KIAA1958: variants seen among roughly 807,000 people sequenced by gnomAD.
KIAA1958 encodes KIAA1958, also known as uncharacterized protein KIAA1958.
KIAA1958 carries 14 observed loss-of-function variants against 47.2 expected under a neutral mutation model. The ratio of observed to expected loss-of-function variants is 0.30; its 90% CI spans 0.20 to 0.46. KIAA1958 has a LOEUF of 0.46. Ranked by LOEUF, KIAA1958 falls within the 20% of genes least tolerant of loss-of-function variation. KIAA1958 has a pLI of 1.00. For synonymous variants in KIAA1958, 354 were observed against 353.3 expected (o/e 1.00, Z -0.02); for missense variants, 803 against 909.2 (o/e 0.88, Z 1.50).
chr9:112,509,254 G>A (rs7861594), intron 1 of KIAA1958, among the ~76,000 whole-genome samples: 78,169 of 145,350 alleles, frequency 0.54, 20,681 homozygotes, highest in South Asian at 0.61. Context: ...CTAGGCTGTA[G>A]TGTGCAATGG....
intron 1 of KIAA1958, among the ~76,000 whole-genome samples, chr9:112,550,312 T>C (rs1311723463): frequency 1.3e-5 from 2 of 152,220 alleles, no homozygotes; most frequent in Non-Finnish European, 1.5e-5. Flanking sequence ...GGGTTACCCA[T>C]CTAGTGAGGA....
intron 1 of KIAA1958, among the ~76,000 whole-genome samples, chr9:112,561,137 C>G (rs1835321255): frequency 6.6e-6 from 1 of 150,872 alleles, no homozygotes; most frequent in Admixed American, 6.6e-5. Flanking sequence ...TCACTGCAAG[C>G]TCCGCCTCCC....
intron 1 of KIAA1958, among the ~76,000 whole-genome samples, chr9:112,557,300 C>T (rs977155432): frequency 1.8e-4 from 28 of 152,084 alleles, no homozygotes; most frequent in Non-Finnish European, 1.0e-4. Context: ...AGGCTTTGTT[C>T]AAGGTGCTAA....
chr9:112,667,670 C>CT lies in KIAA1958; in HGVS notation c.*7601_*7602insT, dbSNP rs1837368299. 1.3e-5 allele frequency: 2 copies of CT among 152,044 alleles called. No individual in the cohort carries two copies. Among genetic ancestry groups the CT allele is most frequent in the African/African-American group, 4.8e-5 (2 of 41,400 alleles). 9.4% of individuals were successfully genotyped at this position (152,044 alleles called of 1,614,324 possible). On this transcript the variant is annotated 3_prime_UTR_variant, in exon 4 of 4. Transcript: ENST00000337530. ...CTCTATAGCACCAAATGCCAGGAAA[C>CT]AATAGAGAATTGTGAGGGGGAAAAG...
intron 1 of KIAA1958, among the ~76,000 whole-genome samples, chr9:112,535,631 AT>A (rs1421254378): frequency 6.6e-6 from 1 of 151,948 alleles, no homozygotes; most frequent in Non-Finnish European, 1.5e-5. Flanking sequence ...TGGGAGTTCT[AT>A]TTTTAATATT....
At chr9:112,597,676 G>T (rs1340750679) in intron 2 of KIAA1958, among the ~76,000 whole-genome samples, 1 of 152,156 alleles carries the variant, frequency 6.6e-6, no homozygotes, top group Non-Finnish European at 1.5e-5. Flanking sequence ...TAACAGTTGA[G>T]GGAGACACGT....
chr9:112,518,080 C>T (rs952413088), intron 1 of KIAA1958, among the ~76,000 whole-genome samples: 1 of 152,142 alleles, frequency 6.6e-6, no homozygotes, highest in Non-Finnish European at 1.5e-5. Context: ...CAGCTGGGAG[C>T]GGTGCCACAT....
At chr9:112,538,669 A>C (rs1834893918) in intron 1 of KIAA1958, among the ~76,000 whole-genome samples, 1 of 152,198 alleles carries the variant, frequency 6.6e-6, no homozygotes, top group Non-Finnish European at 1.5e-5. Context: ...AAAAACTATT[A>C]GTAATATAAG....
At chr9:112,518,611 A>G (rs759996156) in intron 1 of KIAA1958, among the ~76,000 whole-genome samples, 4 of 152,192 alleles carry the variant, frequency 2.6e-5, no homozygotes, top group Non-Finnish European at 4.4e-5. Flanking sequence ...TAAAGGAAAC[A>G]TTTTGGAGTG....
intron 2 of KIAA1958, among the ~76,000 whole-genome samples, chr9:112,619,657 G>A (rs925042067): frequency 6.6e-6 from 1 of 152,120 alleles, no homozygotes; most frequent in Non-Finnish European, 1.5e-5. Context: ...TAAAAAGACT[G>A]TTACATAGCT....
chr9:112,625,207 C>G (rs566262202), intron 2 of KIAA1958, among the ~76,000 whole-genome samples: 2 of 152,144 alleles, frequency 1.3e-5, no homozygotes, highest in Non-Finnish European at 2.9e-5. Context: ...GTGGCACAAT[C>G]AAGACTCACT....
intron 1 of KIAA1958, among the ~76,000 whole-genome samples, chr9:112,554,500 T>C (rs1835208172): frequency 5.3e-5 from 1 of 19,012 alleles, no homozygotes; most frequent in Admixed American, 5.1e-4. Flanking sequence ...AGACTCCATC[T>C]CAATAATAAT....
intron 2 of KIAA1958, among the ~76,000 whole-genome samples, chr9:112,584,794 T>C (rs1441448932): frequency 1.3e-5 from 2 of 152,230 alleles, no homozygotes; most frequent in Non-Finnish European, 2.9e-5. Context: ...GATGGTTTGG[T>C]TGAAGTTATG....
rs1564154646 is a variant in KIAA1958, at chr9:112,513,480, C to CCGTGGCTTAGGGAGCCCGTCCGGCCAT, written c.-25+26362_-25+26363insCGTGGCTTAGGGAGCCCGTCCGGCCAT. 6.9e-5 allele frequency among the ~76,000 whole-genome samples: 4 copies of CCGTGGCTTAGGGAGCCCGTCCGGCCAT among 57,972 alleles called. No homozygotes were observed. The Admixed American group carries it at 7.2e-4, about 10-fold the overall frequency. The allele number at this position is 57,972 out of a possible 152,430, so 38.0% of individuals were successfully genotyped here. A position where few individuals can be genotyped will look rare whatever the true frequency, so the allele number is the denominator to read the frequency against. On this transcript the variant is annotated intron_variant, in intron 1 of 3. Transcript: ENST00000337530. ...GGTCGAAGGCGCCGCGGGCTGGGGT[C>CCGTGGCTTAGGGAGCCCGTCCGGCCAT]GGTGGCCGCGGCTGGTGGTTGGCGC...
At chr9:112,580,648 G>A (rs1011398810) in intron 2 of KIAA1958, among the ~76,000 whole-genome samples, 7 of 152,006 alleles carry the variant, frequency 4.6e-5, no homozygotes, top group Admixed American at 3.3e-4. Flanking sequence ...TTAGCCCAGC[G>A]TGGTGGCAGG....
At chr9:112,620,639 A>C (rs1039355104) in intron 2 of KIAA1958, among the ~76,000 whole-genome samples, 1 of 152,224 alleles carries the variant, frequency 6.6e-6, no homozygotes, top group African/African-American at 2.4e-5. Flanking sequence ...TCATTTATAC[A>C]TCCAGAAACA....
intron 2 of KIAA1958, among the ~76,000 whole-genome samples, chr9:112,612,493 T>G (rs1836343394): frequency 6.6e-6 from 1 of 152,024 alleles, no homozygotes; most frequent in Non-Finnish European, 1.5e-5. Context: ...ATCAATATTT[T>G]AAAAAGAAAA....
chr9:112,635,214 T>TGTG (rs1836782795), intron 2 of KIAA1958, among the ~76,000 whole-genome samples: 1 of 130,352 alleles, frequency 7.7e-6, no homozygotes, highest in Non-Finnish European at 1.6e-5. Context: ...ATTCTTTATT[T>TGTG]TGTGTGTGTG....
chr9:112,554,019 T>C (rs1315050376), intron 1 of KIAA1958, among the ~76,000 whole-genome samples: 4 of 152,106 alleles, frequency 2.6e-5, no homozygotes, highest in Non-Finnish European at 4.4e-5. Context: ...AGGTAGGAAA[T>C]AGATGGTATC....
Sources: gnomAD v4.1 joint callset for allele counts (sites outside exome capture counted in the v4.1 genomes callset) on GRCh38, gnomAD v4.1.1 for gene constraint, MANE v1.5 for transcripts, NCBI Gene and HGNC (gene_info 2026-07-23, HGNC 2026-07-21) for gene names.